TENM2: variants seen among roughly 807,000 people sequenced by gnomAD.
TENM2 encodes teneurin-2.
TENM2 carries 52 observed loss-of-function variants against 245.2 expected under a neutral mutation model. The ratio of observed to expected loss-of-function variants is 0.21; its 90% CI spans 0.17 to 0.27. The LOEUF (loss-of-function observed/expected upper bound fraction) is 0.27. Ranked by LOEUF, TENM2 falls within the 10% of genes least tolerant of loss-of-function variation. The pLI, the probability that TENM2 is intolerant of heterozygous loss-of-function variation, is 1.00. For synonymous variants in TENM2, 1,363 were observed against 1,438.9 expected (o/e 0.95, Z 1.19); for missense variants, 3,046 against 3,666.8 (o/e 0.83, Z 4.37).
intron 2 of TENM2, among the ~76,000 whole-genome samples, chr5:167,573,363 A>G (rs1230430641): frequency 1.3e-5 from 2 of 152,208 alleles, no homozygotes; most frequent in East Asian, 1.9e-4. Context: ...CCTGGGAGAT[A>G]CACGAATGTG....
the TENM2 span, among the ~76,000 whole-genome samples, chr5:167,100,277 G>C: frequency 6.6e-6 from 1 of 152,210 alleles, no homozygotes; most frequent in Non-Finnish European, 1.5e-5. Context: ...GGAAGGCACA[G>C]ATGGAGATGG....
rs564744241 is a variant in TENM2, at chr5:167,622,474, CCTCA to C, written c.502+247008_502+247011del. Reference sequence around the variant, plus strand: ...CCAAATACTGGCAAAGGTATAGATTCCTCACTCACTGATTCAAATTTTAGAAAGA... The same window carrying C: ...CCAAATACTGGCAAAGGTATAGATTCCTCACTGATTCAAATTTTAGAAAGA... On this transcript the variant is annotated intron_variant, in intron 2 of 28. Coordinates refer to ENST00000518659, the Ensembl canonical transcript of TENM2. 1.5e-3 allele frequency among the ~76,000 whole-genome samples: 235 copies of C among 151,942 alleles called. 1 individual carries two copies. Among genetic ancestry groups the C allele is most frequent in the Admixed American group, 5.6e-3 (86 of 15,258 alleles).
intron 2 of TENM2, among the ~76,000 whole-genome samples, chr5:167,515,637 A>ATG (rs141349563): frequency 0.02 from 2,834 of 139,130 alleles, 94 homozygotes; most frequent in Non-Finnish European, 0.032. Context: ...ATACATATAT[A>ATG]TGTATATATA....
chr5:167,720,501 A>G (rs1759556213), intron 2 of TENM2, among the ~76,000 whole-genome samples: 1 of 152,168 alleles, frequency 6.6e-6, no homozygotes, highest in African/African-American at 2.4e-5. Flanking sequence ...CCTTTTCCTT[A>G]GTAGGCACTC....
At chr5:167,216,132 A>G in the TENM2 span, among the ~76,000 whole-genome samples, 5 of 151,820 alleles carry the variant, frequency 3.3e-5, no homozygotes, top group Middle Eastern at 3.4e-3. Context: ...TCGCTTGCTC[A>G]ATGTCATACA....
chr5:167,858,630 C>T (rs1266046681), intron 2 of TENM2, among the ~76,000 whole-genome samples: 1 of 151,646 alleles, frequency 6.6e-6, no homozygotes, highest in African/African-American at 2.4e-5. Flanking sequence ...GGCGCGGCTG[C>T]GCTGCGGCCC....
At chr5:167,217,328 T>A in the TENM2 span, among the ~76,000 whole-genome samples, 6 of 152,152 alleles carry the variant, frequency 3.9e-5, no homozygotes, top group African/African-American at 1.4e-4. Flanking sequence ...TTTAAAACAA[T>A]TATTATTAAA....
chr5:167,187,205 T>A, the TENM2 span, among the ~76,000 whole-genome samples: 2 of 152,186 alleles, frequency 1.3e-5, no homozygotes, highest in African/African-American at 4.8e-5. Context: ...TTTCAGATAA[T>A]CTGTTAGAAT....
rs1312444381 is a variant in TENM2, at chr5:167,354,986, C to T, written c.227-20212C>T. ...ATAGTTACCTCTCCCCTACGCTACC[C>T]CTGCCAATGTAGGTGGGGTGAAAAT... On this transcript the variant is annotated intron_variant, in intron 1 of 28. Transcript: ENST00000518659. Among the ~76,000 whole-genome samples the T allele has an allele frequency of 2.6e-5, 4 of 152,150 alleles. No homozygotes were observed. In the East Asian group the frequency reaches 7.7e-4, roughly 29 times the overall value.
chr5:167,616,115 A>G (rs2127759956), intron 2 of TENM2, among the ~76,000 whole-genome samples: 1 of 152,244 alleles, frequency 6.6e-6, no homozygotes, highest in South Asian at 2.1e-4. Flanking sequence ...CTTAATTATT[A>G]TCTTTGCTTA....
chr5:167,739,299 C>A (rs770761040), intron 2 of TENM2, among the ~76,000 whole-genome samples: 1 of 152,168 alleles, frequency 6.6e-6, no homozygotes, highest in Non-Finnish European at 1.5e-5. Flanking sequence ...TGAAGTCACT[C>A]AGTGATCCTA....
At chr5:167,208,063 A>G in the TENM2 span, among the ~76,000 whole-genome samples, 8 of 152,122 alleles carry the variant, frequency 5.3e-5, no homozygotes, top group African/African-American at 1.9e-4. Flanking sequence ...CTACTGAGGT[A>G]TATTCTTATT....
chr5:167,924,263 C>T (rs759246943), intron 3 of TENM2, among the ~76,000 whole-genome samples: 14 of 152,182 alleles, frequency 9.2e-5, no homozygotes, highest in African/African-American at 2.9e-4. Flanking sequence ...ACAGATGACA[C>T]GCAAAGTGCT....
intron 15 of TENM2, among the ~76,000 whole-genome samples, chr5:168,197,520 G>A (rs1761546656): frequency 1.3e-5 from 2 of 152,078 alleles, no homozygotes; most frequent in Admixed American, 1.3e-4. Flanking sequence ...TTAACAGGGT[G>A]AAACCCCATC....
chr5:168,037,418 C>T (rs1373248105), intron 5 of TENM2, among the ~76,000 whole-genome samples: 1 of 151,728 alleles, frequency 6.6e-6, no homozygotes, highest in African/African-American at 2.4e-5. Flanking sequence ...GGCGTCAAAC[C>T]AGGTAGAAAT....
At chr5:167,953,726 TC>T (rs1410192439) in intron 4 of TENM2, among the ~76,000 whole-genome samples, 1 of 152,210 alleles carries the variant, frequency 6.6e-6, no homozygotes, top group Non-Finnish European at 1.5e-5. Flanking sequence ...TTCATAAAGT[TC>T]CCAAATAGAT....
intron 1 of TENM2, among the ~76,000 whole-genome samples, chr5:167,295,846 C>T (rs1754920880): frequency 1.3e-5 from 2 of 152,292 alleles, no homozygotes; most frequent in South Asian, 2.1e-4. Flanking sequence ...CCTGCACTGA[C>T]TGCCTTCCTT....
At chr5:167,254,007 G>A in the TENM2 span, among the ~76,000 whole-genome samples, 54 of 151,834 alleles carry the variant, frequency 3.6e-4, no homozygotes, top group Middle Eastern at 3.4e-3. Flanking sequence ...AAATAAAATC[G>A]GTAAATTCAT....
the TENM2 span, among the ~76,000 whole-genome samples, chr5:167,235,688 C>T: frequency 7.0e-6 from 1 of 142,832 alleles, no homozygotes; most frequent in African/African-American, 2.8e-5. Flanking sequence ...CTCTAAACTA[C>T]CATCTAGCCC....
Sources: gnomAD v4.1 joint callset for allele counts (sites outside exome capture counted in the v4.1 genomes callset) on GRCh38, gnomAD v4.1.1 for gene constraint, MANE v1.5 for transcripts, NCBI Gene and HGNC (gene_info 2026-07-23, HGNC 2026-07-21) for gene names.